ELAPOR2: variants seen among roughly 807,000 people sequenced by gnomAD.
ELAPOR2 encodes the protein endosome-lysosome associated apoptosis and autophagy regulator family member 2.
A neutral mutation model predicts 120.7 loss-of-function variants in ELAPOR2; 89 were observed. The observed-to-expected ratio is 0.74, with a 90% CI of 0.62 to 0.88. ELAPOR2 has a LOEUF of 0.88. Among genes scored for constraint, ELAPOR2 ranks in the 40% least tolerant of loss-of-function variants. ELAPOR2 has a pLI of 0.00. For synonymous variants in ELAPOR2, 444 were observed against 444.9 expected, an observed-to-expected ratio of 1.00 and a Z score of 0.03; for missense variants, 1,134 against 1,251.6, an observed-to-expected ratio of 0.91 and a Z score of 1.42.
intron 1 of ELAPOR2, among the ~76,000 whole-genome samples, chr7:87,002,282 G>T (rs1170240511): frequency 6.6e-6 from 1 of 152,130 alleles, no homozygotes; most frequent in Non-Finnish European, 1.5e-5. Context: ...AAAGTGGCCT[G>T]ATCTCTTTCC....
chr7:87,021,941 A>C (rs986162750), intron 1 of ELAPOR2, among the ~76,000 whole-genome samples: 1 of 152,176 alleles, frequency 6.6e-6, no homozygotes, highest in African/African-American at 2.4e-5. Flanking sequence ...GCCAGCTCAG[A>C]GTGTGATATA....
chr7:86,909,864 A>C lies in ELAPOR2; in HGVS notation c.2307T>G (p.Gly769=). The change falls in exon 16 of 22, where the codon GGT becomes GGG. Residue 769 remains glycine, a synonymous_variant. Coordinates refer to ENST00000450689, the MANE Select transcript of ELAPOR2 (RefSeq NM_001142749.3). ...QSTIIPSESK[G]FRAALSSQSI... ...ATTGTGATGATAAGGCTGCTCGGAA[A>C]CCCTTACTTTCAGAAGGAATAATTG... is the stretch of plus-strand genomic sequence containing the variant. 6.2e-7 allele frequency: 1 copy of C among 1,613,258 alleles called. No homozygotes were observed. Among genetic ancestry groups the C allele is most frequent in the Non-Finnish European group, 8.5e-7 (1 of 1,179,526 alleles).
At chr7:87,048,432 G>T (rs1432564828) in intron 1 of ELAPOR2, among the ~76,000 whole-genome samples, 1 of 152,076 alleles carries the variant, frequency 6.6e-6, no homozygotes, top group Non-Finnish European at 1.5e-5. Context: ...ATCAAAACAA[G>T]TGAACTCATA....
chr7:86,969,922 C>G (rs1253139936), intron 1 of ELAPOR2, among the ~76,000 whole-genome samples: 1 of 152,164 alleles, frequency 6.6e-6, no homozygotes, highest in Non-Finnish European at 1.5e-5. Flanking sequence ...GGATTTGTAA[C>G]TATATTAGCA....
At chr7:86,944,805 T>G in intron 4 of ELAPOR2, 94 bp downstream of exon 4, 1 of 999,390 alleles carries the variant, frequency 1.0e-6, no homozygotes, top group Non-Finnish European at 1.4e-6. Flanking sequence ...AAAAAAAAAC[T>G]GAGGAGGAAT....
intron 18 of ELAPOR2, among the ~76,000 whole-genome samples, chr7:86,904,773 G>T (rs192657951): frequency 6.6e-6 from 1 of 152,048 alleles, no homozygotes; most frequent in Non-Finnish European, 1.5e-5. Context: ...CAGGTCTGGG[G>T]ATCTTATGAC....
intron 2 of ELAPOR2, among the ~76,000 whole-genome samples, chr7:86,948,649 T>A (rs1452794812): frequency 1.3e-5 from 2 of 151,938 alleles, no homozygotes; most frequent in South Asian, 4.2e-4. Context: ...TATATCTTAT[T>A]TCTGATGTCA....
intron 18 of ELAPOR2, among the ~76,000 whole-genome samples, chr7:86,900,770 G>C (rs546781850): frequency 6.6e-6 from 1 of 152,046 alleles, no homozygotes; most frequent in African/African-American, 2.4e-5. Context: ...CAGTCCTTCC[G>C]TGTGAAACAG....
At chr7:86,931,004 T>C (rs1439700020) in intron 8 of ELAPOR2, among the ~76,000 whole-genome samples, 1 of 151,914 alleles carries the variant, frequency 6.6e-6, no homozygotes, top group East Asian at 1.9e-4. Context: ...TCACAGCTAC[T>C]ATAACGTAAA....
chr7:86,969,423 T>C (rs1464912686), intron 1 of ELAPOR2, among the ~76,000 whole-genome samples: 1 of 152,228 alleles, frequency 6.6e-6, no homozygotes, highest in South Asian at 2.1e-4. Context: ...TATATTTTTA[T>C]ATACTGACAT....
chr7:86,881,005 A>G (rs1034881108), intron 21 of ELAPOR2, among the ~76,000 whole-genome samples: 3 of 152,174 alleles, frequency 2.0e-5, no homozygotes, highest in Non-Finnish European at 4.4e-5. Flanking sequence ...GAGTTCACTA[A>G]TATGTTTTAG....
At chr7:86,912,573 A>G (rs1789365410) in intron 14 of ELAPOR2, among the ~76,000 whole-genome samples, 1 of 152,242 alleles carries the variant, frequency 6.6e-6, no homozygotes, top group African/African-American at 2.4e-5. Context: ...ATAATATGGC[A>G]TCAATCTTTG....
At chr7:86,925,319 A>T (rs1790016474) in intron 10 of ELAPOR2, among the ~76,000 whole-genome samples, 1 of 151,986 alleles carries the variant, frequency 6.6e-6, no homozygotes, top group Non-Finnish European at 1.5e-5. Context: ...AAAAAAATGC[A>T]AAATTAATAG....
chr7:87,011,765 G>T (rs4727136), intron 1 of ELAPOR2, among the ~76,000 whole-genome samples: 57,736 of 151,816 alleles, frequency 0.38, 11,790 homozygotes, highest in African/African-American at 0.53. Flanking sequence ...AATATTAAAG[G>T]TATATTTATA....
chr7:86,987,060 A>AC (rs1353964255), intron 1 of ELAPOR2, among the ~76,000 whole-genome samples: 5 of 151,730 alleles, frequency 3.3e-5, no homozygotes, highest in African/African-American at 1.2e-4. Context: ...CAACCATCTG[A>AC]CCTTTGACAA....
At chr7:86,969,584 A>C (rs949703322) in intron 1 of ELAPOR2, among the ~76,000 whole-genome samples, 3 of 152,128 alleles carry the variant, frequency 2.0e-5, no homozygotes, top group African/African-American at 7.2e-5. Context: ...TAGTCCCTGT[A>C]CTCAATAAGC....
intron 5 of ELAPOR2, among the ~76,000 whole-genome samples, chr7:86,941,731 G>A (rs1330787591): frequency 6.6e-6 from 1 of 151,932 alleles, no homozygotes; most frequent in Non-Finnish European, 1.5e-5. Context: ...CTTTGAAAGG[G>A]AGGAAAATTA....
At chr7:86,978,237 C>T (rs1022300900) in intron 1 of ELAPOR2, among the ~76,000 whole-genome samples, 11 of 152,166 alleles carry the variant, frequency 7.2e-5, no homozygotes, top group African/African-American at 2.4e-4. Context: ...GTGCCTTCCG[C>T]CGTGACTGTA....
chr7:86,937,645 A>G (rs1462766671), intron 8 of ELAPOR2, among the ~76,000 whole-genome samples: 1 of 152,124 alleles, frequency 6.6e-6, no homozygotes, highest in Non-Finnish European at 1.5e-5. Context: ...GTTTTTACTG[A>G]CAAAACATAC....
Sources: gnomAD v4.1 joint callset for allele counts (sites outside exome capture counted in the v4.1 genomes callset) on GRCh38, gnomAD v4.1.1 for gene constraint, MANE v1.5 for transcripts, NCBI Gene and HGNC (gene_info 2026-07-23, HGNC 2026-07-21) for gene names.